Variants in SGMS1 observed in about 807,000 individuals in gnomAD.
SGMS1 encodes sphingomyelin synthase 1, also known as phosphatidylcholine:ceramide cholinephosphotransferase 1.
In SGMS1, 13 loss-of-function variants were observed where a neutral mutation model predicts 46.2. The observed-to-expected ratio is 0.28, with a 90% CI of 0.18 to 0.45. SGMS1 has a LOEUF of 0.45. Ranked by LOEUF, SGMS1 falls within the 20% of genes least tolerant of loss-of-function variation. The pLI, the probability that SGMS1 is intolerant of heterozygous loss-of-function variation, is 1.00. For missense variants in SGMS1, 324 were observed against 519.9 expected (o/e 0.62, Z 3.66); for synonymous variants, 203 against 187.8 (o/e 1.08, Z -0.66).
At chr10:50,423,638 GA>G (rs112975343) in intron 6 of SGMS1, among the ~76,000 whole-genome samples, 26,766 of 147,126 alleles carry the variant, frequency 0.18, 2,689 homozygotes, top group African/African-American at 0.27. Flanking sequence ...GGTGGCATGG[GA>G]AAAAAAAAAA....
intron 3 of SGMS1, among the ~76,000 whole-genome samples, chr10:50,498,262 T>A (rs1837632075): frequency 6.6e-6 from 1 of 152,256 alleles, no homozygotes; most frequent in Non-Finnish European, 1.5e-5. Context: ...GGAAGAGGAA[T>A]TCACAACCAA....
At chr10:50,385,174 A>G (rs957183485) in intron 6 of SGMS1, among the ~76,000 whole-genome samples, 3 of 152,038 alleles carry the variant, frequency 2.0e-5, no homozygotes, top group African/African-American at 7.2e-5. Flanking sequence ...GTTGTGTTCC[A>G]CTCTGATCAT....
chr10:50,549,820 G>A (rs549691019), intron 2 of SGMS1, among the ~76,000 whole-genome samples: 64 of 152,234 alleles, frequency 4.2e-4, no homozygotes, highest in African/African-American at 1.4e-3. Flanking sequence ...CAAAAGAAAT[G>A]AAAAATTTTA....
chr10:50,335,924 T>C (rs953081716), intron 7 of SGMS1: 7 of 152,188 alleles, frequency 4.6e-5, no homozygotes, highest in African/African-American at 1.7e-4. Flanking sequence ...GATTACTAAC[T>C]TTAGAGAAAA....
At chr10:50,399,410 A>T (rs1848897329) in intron 6 of SGMS1, among the ~76,000 whole-genome samples, 1 of 152,190 alleles carries the variant, frequency 6.6e-6, no homozygotes, top group African/African-American at 2.4e-5. Flanking sequence ...CAACAATGTA[A>T]ATGTCCATCA....
At chr10:50,361,903 C>T (rs1047109603) in intron 6 of SGMS1, among the ~76,000 whole-genome samples, 3 of 152,216 alleles carry the variant, frequency 2.0e-5, no homozygotes, top group African/African-American at 7.2e-5. Flanking sequence ...GCCCTACAAG[C>T]TCTGGGCCTG....
At chr10:50,438,260 G>A (rs561334105) in intron 5 of SGMS1, among the ~76,000 whole-genome samples, 29 of 152,258 alleles carry the variant, frequency 1.9e-4, no homozygotes, top group Admixed American at 1.0e-3. Context: ...AATAGAATAA[G>A]GCAAAAATGA....
intron 2 of SGMS1, among the ~76,000 whole-genome samples, chr10:50,520,672 A>G (rs1293608725): frequency 6.6e-6 from 1 of 152,154 alleles, no homozygotes; most frequent in Non-Finnish European, 1.5e-5. Context: ...TTGAACAGCA[A>G]TATTTATTCT....
At chr10:50,505,721 C>G (rs1370481719) in intron 3 of SGMS1, among the ~76,000 whole-genome samples, 3 of 152,142 alleles carry the variant, frequency 2.0e-5, no homozygotes, top group Admixed American at 2.0e-4. Context: ...GCTCATCAGG[C>G]AGTGAAAGGT....
intron 3 of SGMS1, among the ~76,000 whole-genome samples, chr10:50,477,451 G>C (rs890088001): frequency 3.9e-5 from 6 of 152,206 alleles, no homozygotes; most frequent in Non-Finnish European, 8.8e-5. Context: ...CCTTGTCTCA[G>C]ATGAGACTTT....
intron 1 of SGMS1, among the ~76,000 whole-genome samples, chr10:50,623,158 C>A (rs111346741): frequency 6.6e-6 from 1 of 151,882 alleles, no homozygotes; most frequent in African/African-American, 2.4e-5. Context: ...CGTCAGGGGG[C>A]ATCGAGGGGC....
intron 6 of SGMS1, among the ~76,000 whole-genome samples, chr10:50,371,519 G>A (rs907370717): frequency 1.2e-4 from 19 of 152,132 alleles, no homozygotes; most frequent in African/African-American, 4.1e-4. Context: ...GACCATTCCT[G>A]CCTTTGTATG....
intron 6 of SGMS1, among the ~76,000 whole-genome samples, chr10:50,372,274 T>A: frequency 6.6e-6 from 1 of 152,226 alleles, no homozygotes; most frequent in East Asian, 1.9e-4. Context: ...TTCTTCACAG[T>A]ATGAGACCTA....
At chr10:50,617,827 C>A (rs1178393613) in intron 1 of SGMS1, among the ~76,000 whole-genome samples, 3 of 151,698 alleles carry the variant, frequency 2.0e-5, no homozygotes, top group Non-Finnish European at 4.4e-5. Flanking sequence ...CCTGCTTCAG[C>A]CTCCCAAAAT....
At chr10:50,416,435 T>A (rs1316862568) in intron 6 of SGMS1, among the ~76,000 whole-genome samples, 1 of 152,182 alleles carries the variant, frequency 6.6e-6, no homozygotes, top group Non-Finnish European at 1.5e-5. Context: ...ATAAAGGAGA[T>A]CCTTAAATAT....
chr10:50,432,716 A>T (rs560729802), intron 6 of SGMS1, among the ~76,000 whole-genome samples: 1 of 152,370 alleles, frequency 6.6e-6, no homozygotes, highest in African/African-American at 2.4e-5. Context: ...ATACTGTGCC[A>T]GTCATAGCAC....
chr10:50,462,091 A>G (rs1322921685), intron 4 of SGMS1, among the ~76,000 whole-genome samples: 3 of 151,514 alleles, frequency 2.0e-5, no homozygotes, highest in Non-Finnish European at 4.4e-5. Context: ...ACGAGACCTC[A>G]TATCTACAAA....
At chr10:50,427,433 A>G (rs1849344174) in intron 6 of SGMS1, among the ~76,000 whole-genome samples, 1 of 152,194 alleles carries the variant, frequency 6.6e-6, no homozygotes, top group Non-Finnish European at 1.5e-5. Context: ...ATGTGTGTCA[A>G]AGAAAGAACA....
chr10:50,486,913 G>A (rs969062437), intron 3 of SGMS1, among the ~76,000 whole-genome samples: 2 of 152,124 alleles, frequency 1.3e-5, no homozygotes, highest in Admixed American at 6.6e-5. Context: ...CAACCTAAAT[G>A]CCCATCAATG....
Sources: gnomAD v4.1 joint callset for allele counts (sites outside exome capture counted in the v4.1 genomes callset) on GRCh38, gnomAD v4.1.1 for gene constraint, MANE v1.5 for transcripts, NCBI Gene and HGNC (gene_info 2026-07-23, HGNC 2026-07-21) for gene names.